The following USP47 variants were observed in gnomAD, a reference collection of about 807,000 sequenced individuals.
USP47 encodes the protein ubiquitin specific peptidase 47, also known as ubiquitin carboxyl-terminal hydrolase 47.
USP47 carries 35 observed loss-of-function variants against 165.1 expected under a neutral mutation model. The observed-to-expected ratio is 0.21, with a 90% CI of 0.16 to 0.28. The LOEUF is 0.28. Among genes scored for constraint, USP47 ranks in the 10% least tolerant of loss-of-function variants. USP47 has a pLI of 1.00. For synonymous variants in USP47, 531 were observed against 544.5 expected, an observed-to-expected ratio of 0.98 and a Z score of 0.35; for missense variants, 1,277 against 1,607.4, an observed-to-expected ratio of 0.79 and a Z score of 3.52.
rs753011666 is a variant in USP47 at position 11,948,037 on chromosome 11, G to A, written c.3184G>A (p.Val1062Ile). 8.2e-5 allele frequency: 133 copies of A among 1,613,650 alleles called. No homozygotes were observed. The highest frequency in any genetic ancestry group is 1.7e-4 in the Admixed American group (10 of 59,962). ...TGGAGTTTTGTCCTCTCACTTCAAG[G>A]TCTTTCGAGTGTATGCCAGCAATCA... The part of the protein sequence containing the change: ...FVGVLSSHFK[V>I]FRVYASNQEF... The change falls in exon 21 of 28, where the codon GTC (valine) becomes ATC (isoleucine). Residue 1062 changes from valine to isoleucine, a missense_variant. Physicochemically the swap from Val to Ile is conservative, Grantham distance 29 (BLOSUM62 3). This residue lies in a region of USP47 where 909 missense variants were observed against 1,068.1 expected (regional missense o/e 0.85). Coordinates refer to ENST00000527733, the MANE Select transcript of USP47 (RefSeq NM_001282659.2).
Position 11,918,488 on chromosome 11 carries a change from ATATCTT to A in USP47, c.970-1664_970-1659del, listed in dbSNP as rs552752455. ...GAGTTTGATTACTGTTTGTGTAAGA[ATATCTT>A]TATTCTTAAAAAGTCATATTGAAGT... On this transcript the variant is annotated intron_variant, in intron 8 of 27. Coordinates refer to ENST00000527733, the MANE Select transcript of USP47 (RefSeq NM_001282659.2). Among the ~76,000 whole-genome samples, 490 of 152,234 alleles carry A rather than the reference ATATCTT, an allele frequency of 3.2e-3. 5 individuals carry two copies. Among genetic ancestry groups the A allele is most frequent in the Non-Finnish European group, 5.9e-3 (402 of 67,960 alleles).
rs569932285 is a variant in USP47, at chr11:11,897,453, G to C, written c.497-144G>C. The stretch of plus-strand genomic sequence containing the variant: ...ATATTAGAAAAGGGATCTTTTCTTA[G>C]GTGCTGTTGAACAAGTTGAAATAAT... On this transcript the variant is annotated intron_variant, in intron 4 of 27. Transcript: ENST00000527733. 15 of 587,910 alleles carry C rather than the reference G, an allele frequency of 2.6e-5. No homozygotes were observed. In the African/African-American group the frequency reaches 2.6e-4, roughly 10 times the overall value. The allele number at this position is 587,910 out of a possible 1,614,324, so 36.4% of individuals were successfully genotyped here.
chr11:11,861,186 C>T (rs958975040), intron 1 of USP47, among the ~76,000 whole-genome samples: 3 of 152,248 alleles, frequency 2.0e-5, no homozygotes, highest in African/African-American at 7.2e-5. Context: ...CCTCTGCCTC[C>T]CAGATTCAAG....
At chr11:11,915,772 A>G (rs547711508) in intron 8 of USP47, among the ~76,000 whole-genome samples, 48 of 152,192 alleles carry the variant, frequency 3.2e-4, no homozygotes, top group Non-Finnish European at 4.4e-4. Context: ...AGACAGTTGA[A>G]TATATTTTTA....
At chr11:11,884,137 A>G (rs185844708) in intron 2 of USP47, among the ~76,000 whole-genome samples, 64 of 152,260 alleles carry the variant, frequency 4.2e-4, no homozygotes, top group Admixed American at 1.2e-3. Flanking sequence ...CATATTGCAT[A>G]TATTGTATAG....
At chr11:11,942,068 T>C (rs182018654) in intron 19 of USP47, among the ~76,000 whole-genome samples, 5 of 152,250 alleles carry the variant, frequency 3.3e-5, no homozygotes, top group Middle Eastern at 3.4e-3. Flanking sequence ...CTTTCTGAAA[T>C]TGGACAACCC....
At chr11:11,942,213 T>C in intron 19 of USP47, 122 bp from the exon 20 acceptor site, 1 of 1,153,362 alleles carries the variant, frequency 8.7e-7, no homozygotes, top group East Asian at 2.6e-5. Flanking sequence ...CTTCAGAAAC[T>C]ATATCATCAC....
intron 1 of USP47, among the ~76,000 whole-genome samples, chr11:11,879,821 T>C (rs1429143563): frequency 6.6e-6 from 1 of 152,162 alleles, no homozygotes; most frequent in Non-Finnish European, 1.5e-5. Context: ...TAATGACACA[T>C]TTTTTAAGGA....
intron 8 of USP47, among the ~76,000 whole-genome samples, chr11:11,907,017 A>T (rs1210104589): frequency 6.6e-6 from 1 of 152,186 alleles, no homozygotes; most frequent in Non-Finnish European, 1.5e-5. Context: ...TAACATATTA[A>T]TTGAATATTG....
intron 11 of USP47, among the ~76,000 whole-genome samples, chr11:11,927,753 C>T (rs1390574638): frequency 2.0e-5 from 3 of 151,916 alleles, no homozygotes; most frequent in African/African-American, 7.2e-5. Flanking sequence ...TAATGTATTG[C>T]TTTGTTAAAT....
At chr11:11,884,934 TGCTGTAAATCTTTGGTG>T (rs1851057392) in intron 3 of USP47, among the ~76,000 whole-genome samples, 3 of 152,324 alleles carry the variant, frequency 2.0e-5, no homozygotes, top group Non-Finnish European at 4.4e-5. Flanking sequence ...TTTGCTTGGT[TGCTGTAAATCTTTGGTG>T]GTTTTCATGA....
intron 23 of USP47, 59 bp downstream of exon 23, chr11:11,950,063 G>T (rs1856115391): frequency 8.1e-7 from 1 of 1,240,690 alleles, no homozygotes; most frequent in African/African-American, 1.5e-5. Flanking sequence ...CAGTTGAAAT[G>T]GACTGGTATG....
rs765322189 is a variant in USP47, at chr11:11,933,949, C to T, written c.1869+14C>T. 4 of 1,548,128 alleles carry T rather than the reference C, an allele frequency of 2.6e-6. No homozygotes were observed. Among genetic ancestry groups the T allele is most frequent in the Non-Finnish European group, 1.8e-6 (2 of 1,124,576 alleles). ...ATGGCTTATAAGGTATGTTTAATTG[C>T]ATCATTGGCATTTACTTACTAATAC... On this transcript the variant is annotated intron_variant, in intron 16 of 27. Coordinates refer to ENST00000527733, the MANE Select transcript of USP47 (RefSeq NM_001282659.2).
chr11:11,912,078 C>G (rs981019596), intron 8 of USP47, among the ~76,000 whole-genome samples: 3 of 150,588 alleles, frequency 2.0e-5, no homozygotes, highest in Non-Finnish European at 4.4e-5. Context: ...AAAGCAATAC[C>G]GAGAGGGAAA....
At chr11:11,852,136 T>G (rs1848762904) in intron 1 of USP47, among the ~76,000 whole-genome samples, 1 of 152,222 alleles carries the variant, frequency 6.6e-6, no homozygotes, top group African/African-American at 2.4e-5. Context: ...GCAGATAACC[T>G]ATTTCCCCCT....
chr11:11,952,159 T>A (rs936757106), intron 24 of USP47: 6 of 152,228 alleles, frequency 3.9e-5, no homozygotes, highest in African/African-American at 1.4e-4. Context: ...GAAACAGAAC[T>A]GCAAACCTGT....
intron 1 of USP47, among the ~76,000 whole-genome samples, chr11:11,871,165 G>T (rs1269095139): frequency 1.3e-5 from 2 of 152,018 alleles, no homozygotes; most frequent in Non-Finnish European, 2.9e-5. Flanking sequence ...ACCCTTTTGA[G>T]TACCCTTATC....
intron 12 of USP47, 50 bp downstream of exon 12, chr11:11,929,615 T>C: frequency 1.3e-6 from 2 of 1,594,870 alleles, no homozygotes; most frequent in Non-Finnish European, 1.7e-6. Context: ...GGAGTAAGGA[T>C]GTTTCTAAAC....
At chr11:11,901,418 G>T (rs1375758561) in intron 5 of USP47, among the ~76,000 whole-genome samples, 3 of 152,102 alleles carry the variant, frequency 2.0e-5, no homozygotes, top group Admixed American at 6.5e-5. Flanking sequence ...TATGAATACA[G>T]AATTATTTTA....
Sources: gnomAD v4.1 joint callset for allele counts (sites outside exome capture counted in the v4.1 genomes callset) on GRCh38, gnomAD v4.1.1 for gene constraint, gnomAD v4.1.1 regional missense constraint, MANE v1.5 for transcripts, NCBI Gene and HGNC (gene_info 2026-07-23, HGNC 2026-07-21) for gene names.